The following SUMF1 variants were observed in gnomAD, a reference collection of about 807,000 sequenced individuals.
The protein encoded by SUMF1 is formylglycine-generating enzyme.
Under a neutral mutation model 47.6 loss-of-function variants are expected in SUMF1, and 48 were observed. The observed-to-expected ratio is 1.01, with a 90% CI of 0.80 to 1.28. SUMF1 has a LOEUF of 1.28. SUMF1 is among the 50% of genes most tolerant of loss of function. The pLI, the probability that SUMF1 is intolerant of heterozygous loss-of-function variation, is 0.00. For synonymous variants in SUMF1, 230 were observed against 192.1 expected (o/e 1.20, Z -1.63); for missense variants, 571 against 485.4 (o/e 1.18, Z -1.66).
rs553654006 is a variant in SUMF1, at chr3:4,135,358, A to G, written c.1015-66613T>C. Among the ~76,000 whole-genome samples, 185 of 152,228 alleles carry G rather than the reference A, an allele frequency of 1.2e-3. 2 individuals are homozygous for G. Among genetic ancestry groups the G allele is most frequent in the Admixed American group, 0.012 (181 of 15,266 alleles). On this transcript the variant is annotated intron_variant and NMD_transcript_variant, in intron 8 of 12. Transcript: ENST00000448413. ...AAATGTAATCCAGCATATAAACAGA[A>G]TAAAAGACAAAAACCACATGATTAT... is the stretch of plus-strand genomic sequence containing the variant.
At chr3:4,177,501 G>A (rs1267599645) in intron 8 of SUMF1, among the ~76,000 whole-genome samples, 1 of 152,102 alleles carries the variant, frequency 6.6e-6, no homozygotes, top group Non-Finnish European at 1.5e-5. Context: ...TGAGAACAAA[G>A]ACATAACGTA....
chr3:4,209,877 C>A (rs1039873140), intron 8 of SUMF1, among the ~76,000 whole-genome samples: 2 of 152,016 alleles, frequency 1.3e-5, no homozygotes, highest in Admixed American at 6.6e-5. Flanking sequence ...AATAAATATT[C>A]ATGGATTTTA....
chr3:4,303,428 A>T, intron 8 of SUMF1: 1 of 1,553,988 alleles, frequency 6.4e-7, no homozygotes, highest in Non-Finnish European at 8.7e-7. Context: ...GTTTAAGGAG[A>T]AGCCTGAGGC....
At chr3:4,134,257 T>A (rs1472791300) in intron 8 of SUMF1, among the ~76,000 whole-genome samples, 1 of 152,022 alleles carries the variant, frequency 6.6e-6, no homozygotes, top group Non-Finnish European at 1.5e-5. Context: ...ACAGAAATTA[T>A]AACAAACTCT....
chr3:4,170,306 G>T (rs899416391), intron 8 of SUMF1, among the ~76,000 whole-genome samples: 5 of 152,150 alleles, frequency 3.3e-5, no homozygotes, highest in African/African-American at 1.2e-4. Flanking sequence ...GTGGGTACCA[G>T]AATCACCTGG....
At chr3:4,123,263 T>C (rs961400690) in intron 8 of SUMF1, among the ~76,000 whole-genome samples, 1 of 152,136 alleles carries the variant, frequency 6.6e-6, no homozygotes, top group South Asian at 2.1e-4. Context: ...GACCGGTGTG[T>C]GGGAGTGATA....
intron 8 of SUMF1, among the ~76,000 whole-genome samples, chr3:4,169,720 G>A (rs1052824323): frequency 6.6e-6 from 1 of 152,190 alleles, no homozygotes; most frequent in Admixed American, 6.5e-5. Flanking sequence ...AGCTCCTGTA[G>A]CATATGGCCA....
chr3:4,204,081 G>A (rs1411369808), intron 8 of SUMF1, among the ~76,000 whole-genome samples: 1 of 151,858 alleles, frequency 6.6e-6, no homozygotes, highest in East Asian at 1.9e-4. Context: ...CATGAGTTTT[G>A]TGCCTTCAGA....
At chr3:4,070,433 C>A (rs1695493842) in intron 8 of SUMF1, among the ~76,000 whole-genome samples, 1 of 152,090 alleles carries the variant, frequency 6.6e-6, no homozygotes. Context: ...CTCTTTGAAC[C>A]AGAAATTGCT....
At chr3:4,273,897 T>C (rs569590097) in intron 8 of SUMF1, among the ~76,000 whole-genome samples, 23 of 138,342 alleles carry the variant, frequency 1.7e-4, no homozygotes, top group Non-Finnish European at 3.0e-4. Flanking sequence ...CTGATCAGTG[T>C]TGTTTCTTTT....
chr3:4,199,567 T>C (rs941608007), intron 8 of SUMF1, among the ~76,000 whole-genome samples: 3 of 152,168 alleles, frequency 2.0e-5, no homozygotes, highest in Non-Finnish European at 4.4e-5. Context: ...TCAAAGTGGC[T>C]ATATCATTTT....
In SUMF1 at chr3:4,189,067, T is replaced by C. The variant is rs1040253732; in HGVS notation, c.1015-120322A>G. ...TAAGTGATTTGGTCAAGTCAATCAG[T>C]TCTGTTAAATCAGAACATGGTAGAA... is the stretch of plus-strand genomic sequence containing the variant. On this transcript the variant is annotated intron_variant and NMD_transcript_variant, in intron 8 of 12. Transcript: ENST00000448413. 2.0e-4 allele frequency among the ~76,000 whole-genome samples: 30 copies of C among 152,158 alleles called. 1 individual carries two copies. Among genetic ancestry groups the C allele is most frequent in the Non-Finnish European group, 7.4e-5 (5 of 68,008 alleles).
At chr3:4,401,473 G>A (rs955336496) in intron 7 of SUMF1, among the ~76,000 whole-genome samples, 2 of 152,192 alleles carry the variant, frequency 1.3e-5, no homozygotes, top group Admixed American at 6.5e-5. Flanking sequence ...ACTGTCAGCT[G>A]CAGCCTCCAT....
chr3:4,217,694 T>C (rs559897088), intron 8 of SUMF1, among the ~76,000 whole-genome samples: 1 of 144,560 alleles, frequency 6.9e-6, no homozygotes, highest in South Asian at 2.3e-4. Flanking sequence ...GTAGGTTTTA[T>C]TTTTTTATTA....
intron 3 of SUMF1, among the ~76,000 whole-genome samples, chr3:4,444,063 C>T (rs756001441): frequency 6.6e-4 from 100 of 151,964 alleles, no homozygotes; most frequent in Admixed American, 1.4e-3. Flanking sequence ...AAAGGAAAAT[C>T]GTTGGGTATT....
intron 3 of SUMF1, among the ~76,000 whole-genome samples, chr3:4,426,225 T>C (rs758822999): frequency 6.6e-6 from 1 of 152,178 alleles, no homozygotes; most frequent in Non-Finnish European, 1.5e-5. Flanking sequence ...AACTACACAC[T>C]TGTCTGTCTG....
chr3:4,428,339 A>G (rs1223746754), intron 3 of SUMF1, among the ~76,000 whole-genome samples: 1 of 151,654 alleles, frequency 6.6e-6, no homozygotes, highest in African/African-American at 2.4e-5. Context: ...TTATGGGTAT[A>G]TCTAATGTTC....
At chr3:4,124,596 A>G (rs909748362) in intron 8 of SUMF1, among the ~76,000 whole-genome samples, 1 of 141,970 alleles carries the variant, frequency 7.0e-6, no homozygotes, top group Non-Finnish European at 1.5e-5. Context: ...GAATGAAGGA[A>G]AAAAAAAAAG....
chr3:4,140,517 T>C (rs568837067), intron 8 of SUMF1, among the ~76,000 whole-genome samples: 33 of 152,234 alleles, frequency 2.2e-4, no homozygotes, highest in African/African-American at 7.5e-4. Flanking sequence ...TGGACTCATC[T>C]GTTCCTTTCT....
Sources: allele counts gnomAD v4.1 joint callset (sites outside exome capture counted in the v4.1 genomes callset), GRCh38; gene constraint gnomAD v4.1.1; transcripts MANE v1.5; gene names NCBI Gene and HGNC (gene_info 2026-07-23, HGNC 2026-07-21).